The following TEX11 variants were observed in gnomAD, a reference collection of about 807,000 sequenced individuals.
The protein encoded by TEX11 is testis expressed 11, also known as testis-expressed protein 11.
TEX11 carries 7 observed loss-of-function variants against 84.4 expected under a neutral mutation model. The ratio of observed to expected loss-of-function variants is 0.08; its 90% CI spans 0.05 to 0.16. The LOEUF is 0.16. TEX11 is among the 10% of genes least tolerant of loss of function. TEX11 has a pLI of 1.00. For missense variants in TEX11, 551 were observed against 660.5 expected, an observed-to-expected ratio of 0.83 and a Z score of 1.82; for synonymous variants, 264 against 222.8, an observed-to-expected ratio of 1.18 and a Z score of -1.64.
chrX:70,665,111 A>G (rs1455972122), intron 16 of TEX11, among the ~76,000 whole-genome samples: 1 of 110,659 alleles, frequency 9.0e-6, no homozygotes, highest in Non-Finnish European at 1.9e-5. Context: ...GTGGTTTGAG[A>G]GTGTGGTTCA....
At chrX:70,566,468 T>A (rs1481542544) in intron 25 of TEX11, among the ~76,000 whole-genome samples, 1 of 110,568 alleles carries the variant, frequency 9.0e-6, no homozygotes, top group Non-Finnish European at 1.9e-5. Context: ...AGAGAGGGCA[T>A]CCCTCTCTTG....
chrX:70,523,823 G>A, the TEX11 span, among the ~76,000 whole-genome samples: 261 of 106,331 alleles, frequency 2.5e-3, no homozygotes, highest in African/African-American at 8.4e-3. Context: ...AGACAAGAAG[G>A]TTTCATCTTA....
At chrX:70,583,064 G>A (rs1339710041) in intron 25 of TEX11, among the ~76,000 whole-genome samples, 1 of 110,581 alleles carries the variant, frequency 9.0e-6, no homozygotes, top group East Asian at 2.8e-4. Context: ...AGGTAACCAA[G>A]TATTGTTTAT....
chrX:70,556,820 T>C (rs1184239556), intron 25 of TEX11, among the ~76,000 whole-genome samples: 1 of 111,578 alleles, frequency 9.0e-6, no homozygotes, highest in East Asian at 2.8e-4. Context: ...TAAATCCATT[T>C]ACAATAGCAT....
intron 28 of TEX11, among the ~76,000 whole-genome samples, chrX:70,530,997 C>T (rs1027834578): frequency 9.0e-6 from 1 of 110,642 alleles, no homozygotes; most frequent in Non-Finnish European, 1.9e-5. Context: ...AAACACTACT[C>T]CTCATCCTTG....
the TEX11 span, among the ~76,000 whole-genome samples, chrX:70,515,689 T>C: frequency 8.9e-6 from 1 of 112,543 alleles, no homozygotes; most frequent in Non-Finnish European, 1.9e-5. Context: ...CCTTGAGGAA[T>C]CACCACACTG....
intron 11 of TEX11, among the ~76,000 whole-genome samples, chrX:70,727,632 C>T (rs1265232769): frequency 9.0e-6 from 1 of 111,484 alleles, no homozygotes; most frequent in Non-Finnish European, 1.9e-5. Flanking sequence ...TATTGAATAT[C>T]TAATCCCCAA....
At chrX:70,716,936 C>G (rs1275541584) in intron 13 of TEX11, among the ~76,000 whole-genome samples, 1 of 112,384 alleles carries the variant, frequency 8.9e-6, no homozygotes, top group Non-Finnish European at 1.9e-5. Flanking sequence ...TCCAATTAAT[C>G]TTATCTTTTG....
chrX:70,856,504 T>C (rs2091537593), intron 5 of TEX11, among the ~76,000 whole-genome samples: 1 of 111,435 alleles, frequency 9.0e-6, no homozygotes, highest in Non-Finnish European at 1.9e-5. Flanking sequence ...CATCTCTAGA[T>C]GATTTAATAC....
At chrX:70,654,236 C>T (rs1339679208) in intron 16 of TEX11, among the ~76,000 whole-genome samples, 2 of 111,318 alleles carry the variant, frequency 1.8e-5, no homozygotes, top group Non-Finnish European at 3.8e-5. Context: ...CACACTAATG[C>T]GAGATGTTAA....
intron 28 of TEX11, among the ~76,000 whole-genome samples, chrX:70,548,967 C>T (rs2088175967): frequency 9.0e-6 from 1 of 111,262 alleles, no homozygotes; most frequent in Non-Finnish European, 1.9e-5. Flanking sequence ...CTCCCTCAAC[C>T]CCAGGCAGTG....
chrX:70,853,206 A>T (rs752043861), intron 6 of TEX11, 42 bp downstream of exon 6: 1 of 1,206,456 alleles, frequency 8.3e-7, no homozygotes, highest in South Asian at 1.8e-5. Context: ...CACAGATGTT[A>T]CTACTAATAA....
intron 28 of TEX11, among the ~76,000 whole-genome samples, chrX:70,543,811 G>A (rs1189795323): frequency 1.8e-5 from 2 of 111,425 alleles, no homozygotes; most frequent in East Asian, 2.8e-4. Flanking sequence ...AGGTGATTTC[G>A]TCATTGTGTG....
intron 7 of TEX11, among the ~76,000 whole-genome samples, chrX:70,841,094 A>G (rs1454517243): frequency 1.8e-5 from 2 of 111,134 alleles, no homozygotes; most frequent in Non-Finnish European, 1.9e-5. Context: ...TAACAAGGAT[A>G]CCCAGGAATT....
chrX:70,858,042 T>C (rs1405187823), intron 5 of TEX11, among the ~76,000 whole-genome samples: 1 of 110,006 alleles, frequency 9.1e-6, no homozygotes, highest in African/African-American at 3.3e-5. Flanking sequence ...CAATGGACTT[T>C]GGGGATTTGG....
intron 25 of TEX11, among the ~76,000 whole-genome samples, chrX:70,558,718 A>G (rs1191635727): frequency 8.9e-6 from 1 of 111,835 alleles, no homozygotes; most frequent in African/African-American, 3.2e-5. Context: ...CTATTCAATA[A>G]TAAAAGGCAG....
intron 13 of TEX11, among the ~76,000 whole-genome samples, chrX:70,712,334 C>T (rs1311823204): frequency 9.0e-6 from 1 of 111,452 alleles, no homozygotes; most frequent in Non-Finnish European, 1.9e-5. Flanking sequence ...AAGAAAGTCA[C>T]TGGTAGCTTG....
chrX:70,543,869 C>T (rs933273193), intron 28 of TEX11, among the ~76,000 whole-genome samples: 2 of 112,198 alleles, frequency 1.8e-5, no homozygotes, highest in Non-Finnish European at 3.8e-5. Context: ...TAGCCTCCTA[C>T]ACACCTAGGC....
chrX:70,907,681 C>T (rs905363724), intron 2 of TEX11, 72 bp downstream of exon 2: 54 of 858,936 alleles, frequency 6.3e-5, no homozygotes, highest in Admixed American at 2.1e-4. Flanking sequence ...CGTGAGCCAC[C>T]GCGCCCAGCA....
Sources: gnomAD v4.1 joint callset for allele counts (sites outside exome capture counted in the v4.1 genomes callset) on GRCh38, gnomAD v4.1.1 for gene constraint, MANE v1.5 for transcripts, NCBI Gene and HGNC (gene_info 2026-07-23, HGNC 2026-07-21) for gene names.